The following XYLT1 variants were observed in gnomAD, a reference collection of about 807,000 sequenced individuals.
The protein encoded by XYLT1 is beta-D-xylosyltransferase 1.
Under a neutral mutation model 91.3 loss-of-function variants are expected in XYLT1, and 36 were observed. That is an observed-to-expected ratio of 0.39 (90% CI 0.30 to 0.52). The LOEUF is 0.52. XYLT1 is among the 20% of genes least tolerant of loss of function. The pLI, the probability that XYLT1 is intolerant of heterozygous loss-of-function variation, is 0.68. For missense variants in XYLT1, 1,242 were observed against 1,284.5 expected (o/e 0.97, Z 0.51); for synonymous variants, 588 against 532.0 (o/e 1.11, Z -1.45).
chr16:17,441,805 C>T (rs2036535661), intron 1 of XYLT1, among the ~76,000 whole-genome samples: 1 of 152,124 alleles, frequency 6.6e-6, no homozygotes, highest in Non-Finnish European at 1.5e-5. Flanking sequence ...GGATAAAGAT[C>T]CAGCTCTCTA....
chr16:17,402,894 C>T (rs1365886348), intron 1 of XYLT1, among the ~76,000 whole-genome samples: 1 of 152,052 alleles, frequency 6.6e-6, no homozygotes, highest in African/African-American at 2.4e-5. Context: ...CAACTTCCAC[C>T]ACACTTGGCT....
At chr16:17,271,184 T>A (rs115115898) in intron 2 of XYLT1, among the ~76,000 whole-genome samples, 292 of 152,178 alleles carry the variant, frequency 1.9e-3, no homozygotes, top group African/African-American at 6.4e-3. Flanking sequence ...TGTTTTTAAG[T>A]GTCCCGAAGG....
At chr16:17,385,785 T>C (rs2035741561) in intron 1 of XYLT1, among the ~76,000 whole-genome samples, 2 of 150,346 alleles carry the variant, frequency 1.3e-5, no homozygotes, top group Non-Finnish European at 1.5e-5. Context: ...GACAAGTGAG[T>C]TAACAACAGT....
intron 3 of XYLT1, among the ~76,000 whole-genome samples, chr16:17,203,313 G>T (rs1307465432): frequency 6.6e-6 from 1 of 152,142 alleles, no homozygotes; most frequent in Non-Finnish European, 1.5e-5. Flanking sequence ...GATTCTAGGT[G>T]ATTAATAAGG....
intron 10 of XYLT1, among the ~76,000 whole-genome samples, chr16:17,123,266 T>C (rs780807716): frequency 3.9e-5 from 6 of 152,218 alleles, no homozygotes; most frequent in Non-Finnish European, 8.8e-5. Flanking sequence ...CAGTTTTCCT[T>C]GTAGAGGTCT....
intron 1 of XYLT1, among the ~76,000 whole-genome samples, chr16:17,441,332 T>C (rs1465485292): frequency 1.3e-5 from 2 of 152,070 alleles, no homozygotes; most frequent in Non-Finnish European, 2.9e-5. Context: ...CCACACAGGG[T>C]GTTACTGAAA....
rs377724066 is a variant in XYLT1, at chr16:17,108,842, G to A, written c.2733C>T (p.Gly911=). 32 of 1,612,662 alleles carry A rather than the reference G, an allele frequency of 2.0e-5. No individual in the cohort carries two copies. Among genetic ancestry groups the A allele is most frequent in the Admixed American group, 8.3e-5 (5 of 59,980 alleles). Residue 911 remains glycine, a synonymous_variant, in exon 12 of 12, where the codon GGC becomes GGT. Transcript: ENST00000261381. ...ALEGWLDSLV[G]GMWTAMDICA... is the part of the protein sequence containing the mutation. ...AGATGTCCATGGCAGTCCACATCCC[G>A]CCCACCAACGAGTCCAGCCATCCCT...
intron 1 of XYLT1, among the ~76,000 whole-genome samples, chr16:17,422,324 G>A (rs987751876): frequency 4.0e-5 from 6 of 151,588 alleles, no homozygotes; most frequent in Non-Finnish European, 8.8e-5. Flanking sequence ...AGCCTCCTGA[G>A]TGGCTGCGAC....
intron 3 of XYLT1, among the ~76,000 whole-genome samples, chr16:17,224,099 A>G (rs2033021029): frequency 6.6e-6 from 1 of 152,228 alleles, no homozygotes; most frequent in Non-Finnish European, 1.5e-5. Flanking sequence ...TCAATTTCCC[A>G]AAGTGGAAAA....
intron 3 of XYLT1, among the ~76,000 whole-genome samples, chr16:17,256,419 G>A (rs1369440902): frequency 2.6e-5 from 4 of 152,088 alleles, no homozygotes; most frequent in South Asian, 2.1e-4. Flanking sequence ...TTGGGGGGCC[G>A]AGGCGGGTGG....
At chr16:17,364,660 A>G (rs1196009998) in intron 1 of XYLT1, among the ~76,000 whole-genome samples, 1 of 152,224 alleles carries the variant, frequency 6.6e-6, no homozygotes, top group Non-Finnish European at 1.5e-5. Context: ...TATGCCAAGC[A>G]TACGAAATTC....
At chr16:17,291,739 C>T (rs992439300) in intron 2 of XYLT1, among the ~76,000 whole-genome samples, 7 of 152,154 alleles carry the variant, frequency 4.6e-5, no homozygotes, top group Non-Finnish European at 1.0e-4. Context: ...TGTATTTTAT[C>T]GCAATAGCTA....
chr16:17,162,519 A>T (rs1359463377), intron 5 of XYLT1, among the ~76,000 whole-genome samples: 1 of 152,160 alleles, frequency 6.6e-6, no homozygotes, highest in Non-Finnish European at 1.5e-5. Flanking sequence ...GAACCTGGGG[A>T]CAAATGTCAC....
At chr16:17,185,465 AC>A (rs2141572914) in intron 5 of XYLT1, among the ~76,000 whole-genome samples, 1 of 152,310 alleles carries the variant, frequency 6.6e-6, no homozygotes, top group Non-Finnish European at 1.5e-5. Context: ...GTCCCAAAGA[AC>A]AAAAGTGGTT....
At chr16:17,232,429 G>GTGTGTGTATATATATA (rs1194509016) in intron 3 of XYLT1, among the ~76,000 whole-genome samples, 556 of 121,336 alleles carry the variant, frequency 4.6e-3, no homozygotes, top group Non-Finnish European at 7.4e-3. Flanking sequence ...GTGTGTGTGT[G>GTGTGTGTATATATATA]TATATATATA....
chr16:17,175,127 A>C (rs1466320), intron 5 of XYLT1, among the ~76,000 whole-genome samples: 41,044 of 152,112 alleles, frequency 0.27, 6,120 homozygotes, highest in South Asian at 0.47. Context: ...TAAAAATATG[A>C]CAGTTGAACC....
At chr16:17,185,417 C>T (rs8044579) in intron 5 of XYLT1, among the ~76,000 whole-genome samples, 88,662 of 152,040 alleles carry the variant, frequency 0.58, 27,710 homozygotes, top group African/African-American at 0.8. Context: ...AACCCAGGAA[C>T]TTTGGGGTCT....
In XYLT1 at chr16:17,368,439, C is replaced by T. The variant is rs532398226; in HGVS notation, c.364-10389G>A. On this transcript the variant is annotated intron_variant, in intron 1 of 11. Transcript: ENST00000261381. ...CTTGATGACAGCGCCCAGTAGACCG[C>T]TATCATTGGTTAAGTCCTTATGAGA... Among the ~76,000 whole-genome samples the T allele has an allele frequency of 4.3e-4, 66 of 152,210 alleles. 1 individual carries two copies. The South Asian group carries it at 0.012, about 28-fold the overall frequency.
At chr16:17,327,411 G>A (rs536287582) in intron 2 of XYLT1, among the ~76,000 whole-genome samples, 2 of 143,338 alleles carry the variant, frequency 1.4e-5, no homozygotes, top group Non-Finnish European at 3.0e-5. Flanking sequence ...TTCCCAGGCT[G>A]GAGTGCAGTG....
Sources: gnomAD v4.1 joint callset for allele counts (sites outside exome capture counted in the v4.1 genomes callset) on GRCh38, gnomAD v4.1.1 for gene constraint, MANE v1.5 for transcripts, NCBI Gene and HGNC (gene_info 2026-07-23, HGNC 2026-07-21) for gene names.